GK5: variants seen among roughly 807,000 people sequenced by gnomAD.
The protein encoded by GK5 is ATP:glycerol 3-phosphotransferase 5.
A neutral mutation model predicts 77.3 loss-of-function variants in GK5; 39 were observed. The ratio of observed to expected loss-of-function variants is 0.50; its 90% confidence interval spans 0.39 to 0.66. GK5 has a LOEUF of 0.66. Among genes scored for constraint, GK5 ranks in the 30% least tolerant of loss-of-function variants. GK5 has a pLI of 0.00. For missense variants in GK5, 487 were observed against 633.8 expected (o/e 0.77, Z 2.49); for synonymous variants, 211 against 208.0 (o/e 1.01, Z -0.13).
intron 12 of GK5, among the ~76,000 whole-genome samples, chr3:142,176,036 T>C (rs2063605162): frequency 6.6e-6 from 1 of 151,908 alleles, no homozygotes; most frequent in South Asian, 2.1e-4. Flanking sequence ...TTTCCTGAAA[T>C]CTCAATTAGA....
chr3:142,182,067 A>G (rs1057172702), intron 10 of GK5, among the ~76,000 whole-genome samples: 4 of 152,214 alleles, frequency 2.6e-5, no homozygotes, highest in Admixed American at 2.0e-4. Context: ...CTTCCTAGTT[A>G]GGGGAAAAAG....
chr3:142,224,687 A>G (rs1022673059), intron 1 of GK5, among the ~76,000 whole-genome samples: 2 of 152,186 alleles, frequency 1.3e-5, no homozygotes, highest in Non-Finnish European at 2.9e-5. Flanking sequence ...AACTTGCCCA[A>G]TACCTCTAAT....
chr3:142,159,731 A>AT lies in GK5; in HGVS notation c.*5890dup, dbSNP rs1264457359. 1 of 152,032 alleles carries AT rather than the reference A, an allele frequency of 6.6e-6. No homozygotes were observed. Among genetic ancestry groups the AT allele is most frequent in the African/African-American group, 2.4e-5 (1 of 41,366 alleles). The allele number at this position is 152,032 out of a possible 1,614,324, so 9.4% of individuals were successfully genotyped here. On this transcript the variant is annotated 3_prime_UTR_variant, in exon 16 of 16. Transcript: ENST00000392993. ...TCTATTTAACTTTTTTAGATTACCC[A>AT]TTTTGACTGGTTCGAACCAGAAGAC...
intron 5 of GK5, among the ~76,000 whole-genome samples, chr3:142,194,433 G>A (rs1247825247): frequency 6.6e-6 from 1 of 152,002 alleles, no homozygotes; most frequent in Non-Finnish European, 1.5e-5. Flanking sequence ...GGCTGAGGCA[G>A]GAGAATCACT....
chr3:142,170,210 T>C (rs2063519473), intron 15 of GK5, 115 bp downstream of exon 15: 3 of 1,080,688 alleles, frequency 2.8e-6, no homozygotes, highest in African/African-American at 1.5e-5. Context: ...GTATGGAGTT[T>C]AATGGACGCC....
At chr3:142,198,495 T>A (rs893695778) in intron 5 of GK5, among the ~76,000 whole-genome samples, 3 of 152,124 alleles carry the variant, frequency 2.0e-5, no homozygotes, top group Non-Finnish European at 4.4e-5. Flanking sequence ...GCGCCTGTAG[T>A]CCCAGCTACT....
intron 3 of GK5, among the ~76,000 whole-genome samples, chr3:142,211,902 C>T (rs1454270476): frequency 6.6e-6 from 1 of 152,170 alleles, no homozygotes; most frequent in African/African-American, 2.4e-5. Context: ...TTCACACGTC[C>T]AAAACCAAAC....
chr3:142,165,487 C>T lies in GK5; in HGVS notation c.*135G>A. On this transcript the variant is annotated 3_prime_UTR_variant, in exon 16 of 16. Transcript: ENST00000392993. ...TTGTTCCGTTTTGTTTTTTTAAAAG[C>T]AATGCTTCTTAAGTTATGAAGCTTA... is the stretch of plus-strand genomic sequence containing the variant. 1.6e-6 allele frequency: 1 copy of T among 606,988 alleles called. No homozygotes were observed. Among genetic ancestry groups the T allele is most frequent in the African/African-American group, 1.9e-5 (1 of 52,764 alleles). 37.6% of individuals were successfully genotyped at this position (606,988 alleles called of 1,614,324 possible).
chr3:142,179,011 T>C (rs949866320), intron 11 of GK5, among the ~76,000 whole-genome samples: 6 of 152,212 alleles, frequency 3.9e-5, no homozygotes, highest in African/African-American at 1.4e-4. Context: ...TGCTGACTAA[T>C]AAAGTTAAAT....
Position 142,220,786 on chromosome 3 carries a change from C to G in GK5, c.147+4523G>C, listed in dbSNP as rs114014804. ...GAACTATGAGAGTGATGCCCGTAAG[C>G]AAAGGGCAGAGATTCTAGGGTGGAA... On this transcript the variant is annotated intron_variant, in intron 1 of 15. Coordinates refer to ENST00000392993, the MANE Select transcript of GK5 (RefSeq NM_001039547.3). Among the ~76,000 whole-genome samples the G allele has an allele frequency of 9.7e-4, 148 of 152,214 alleles. 3 individuals are homozygous for G. Among genetic ancestry groups the G allele is most frequent in the African/African-American group, 3.4e-3 (140 of 41,550 alleles).
intron 1 of GK5, among the ~76,000 whole-genome samples, chr3:142,220,377 C>T (rs565070986): frequency 2.6e-5 from 4 of 152,270 alleles, no homozygotes; most frequent in African/African-American, 7.2e-5. Flanking sequence ...CCTCGTGATC[C>T]GCCCGCCTCA....
intron 11 of GK5, among the ~76,000 whole-genome samples, chr3:142,178,356 T>C (rs370754500): frequency 1.3e-5 from 2 of 152,256 alleles, no homozygotes; most frequent in Admixed American, 6.5e-5. Flanking sequence ...GTAACAGATA[T>C]ATTAAAAGTC....
At chr3:142,207,882 A>G (rs979547968) in intron 3 of GK5, among the ~76,000 whole-genome samples, 1 of 152,142 alleles carries the variant, frequency 6.6e-6, no homozygotes, top group African/African-American at 2.4e-5. Context: ...CACCTTTATT[A>G]ATGGAAATCG....
chr3:142,184,960 C>T, intron 9 of GK5: 1 of 985,426 alleles, frequency 1.0e-6, no homozygotes, highest in South Asian at 4.7e-5. Flanking sequence ...AAGACCGATC[C>T]TCTCTAAATG....
At position 142,160,559 on chromosome 3, in the gene GK5, G is replaced by A. The variant is rs948337607; in HGVS notation, c.*5063C>T. On this transcript the variant is annotated 3_prime_UTR_variant, in exon 16 of 16. Coordinates refer to ENST00000392993, the MANE Select transcript of GK5 (RefSeq NM_001039547.3). Reference sequence around the variant, plus strand: ...CTTCCCTATAGCACCAGAGTGTTTCGCACTCTTAAAATTCAATCTGTTAGT... The same window carrying A: ...CTTCCCTATAGCACCAGAGTGTTTCACACTCTTAAAATTCAATCTGTTAGT... The A allele has an allele frequency of 3.3e-5, 5 of 152,102 alleles. No homozygotes were observed. The highest frequency in any genetic ancestry group is 1.9e-4 in the East Asian group (1 of 5,204). 9.4% of individuals were successfully genotyped at this position (152,102 alleles called of 1,614,324 possible).
At chr3:142,212,779 A>G (rs2064205836) in intron 3 of GK5, among the ~76,000 whole-genome samples, 1 of 151,950 alleles carries the variant, frequency 6.6e-6, no homozygotes, top group Non-Finnish European at 1.5e-5. Flanking sequence ...TTACAATATT[A>G]TAACTGTGTT....
chr3:142,198,846 G>A lies in GK5; in HGVS notation c.499C>T (p.Gln167Ter). 1 of 1,613,342 alleles carries A rather than the reference G, an allele frequency of 6.2e-7. No individual in the cohort carries two copies. Among genetic ancestry groups the A allele is most frequent in the Non-Finnish European group, 8.5e-7 (1 of 1,179,648 alleles). Reference protein sequence around the residue: ...TASLFTFTTQQTSLRLVWILQ... With the variant: ...TASLFTFTTQ Reference sequence around the variant, plus strand: ...ATCCAGACCAATCTCAAAGAAGTCTGCTGGGTTGTGAAAGTGAACAAACTG... The same window carrying A: ...ATCCAGACCAATCTCAAAGAAGTCTACTGGGTTGTGAAAGTGAACAAACTG... Residue 167 changes from glutamine to a stop codon, truncating the protein, a stop_gained, in exon 5 of 16, where the codon CAG (glutamine) becomes TAG (stop). Transcript: ENST00000392993. LOFTEE classifies it high-confidence loss of function.
intron 9 of GK5, chr3:142,184,922 TA>T: frequency 1.9e-5 from 19 of 985,426 alleles, no homozygotes; most frequent in Non-Finnish European, 2.3e-5. Context: ...TACCTTAATC[TA>T]ACCCTGCACC....
At chr3:142,167,373 CA>C (rs34862424) in intron 15 of GK5, among the ~76,000 whole-genome samples, 16 of 137,808 alleles carry the variant, frequency 1.2e-4, no homozygotes, top group Admixed American at 2.9e-4. Context: ...GACTCCATCT[CA>C]AAAAAAAAAA....
Sources: allele counts gnomAD v4.1 joint callset (sites outside exome capture counted in the v4.1 genomes callset), GRCh38; gene constraint gnomAD v4.1.1; transcripts MANE v1.5; gene names NCBI Gene and HGNC (gene_info 2026-07-23, HGNC 2026-07-21).